The following GRID2 variants were observed in gnomAD, a reference collection of about 807,000 sequenced individuals.
The protein encoded by GRID2 is glutamate receptor ionotropic, delta-2.
In GRID2, 33 loss-of-function variants were observed where a neutral mutation model predicts 114.8. That is an observed-to-expected ratio of 0.29 (90% CI 0.22 to 0.38). GRID2 has a LOEUF of 0.38. Ranked by LOEUF, GRID2 falls within the 10% of genes least tolerant of loss-of-function variation. GRID2 has a pLI of 1.00. For synonymous variants in GRID2, 505 were observed against 449.9 expected (o/e 1.12, Z -1.55); for missense variants, 1,184 against 1,257.7 (o/e 0.94, Z 0.89).
intron 12 of GRID2, among the ~76,000 whole-genome samples, chr4:93,494,310 G>C (rs1014805684): frequency 2.0e-5 from 3 of 151,714 alleles, no homozygotes; most frequent in African/African-American, 7.3e-5. Context: ...CCAAAATTCA[G>C]CGTTGCTTCT....
At chr4:92,621,315 T>C (rs994809603) in intron 2 of GRID2, among the ~76,000 whole-genome samples, 3 of 151,780 alleles carry the variant, frequency 2.0e-5, no homozygotes, top group Non-Finnish European at 2.9e-5. Flanking sequence ...GTTAAAATTG[T>C]GATATTGGAC....
intron 4 of GRID2, among the ~76,000 whole-genome samples, chr4:93,184,014 CG>C (rs1740152126): frequency 6.6e-6 from 1 of 152,016 alleles, no homozygotes; most frequent in African/African-American, 2.4e-5. Flanking sequence ...TGCTGTAGGG[CG>C]ATTAGAAAAG....
chr4:92,307,036 T>TA (rs1276308632), intron 1 of GRID2, among the ~76,000 whole-genome samples: 1 of 152,034 alleles, frequency 6.6e-6, no homozygotes, highest in Non-Finnish European at 1.5e-5. Context: ...ATTAAAAAAA[T>TA]AAAAAATGAT....
intron 1 of GRID2, among the ~76,000 whole-genome samples, chr4:92,502,084 TTATG>T (rs1260696913): frequency 1.3e-5 from 2 of 152,136 alleles, no homozygotes; most frequent in East Asian, 1.9e-4. Flanking sequence ...TGTTGTCAAA[TTATG>T]AATTAATTAG....
chr4:93,548,471 A>G (rs1327541640), intron 13 of GRID2, among the ~76,000 whole-genome samples: 3 of 152,120 alleles, frequency 2.0e-5, no homozygotes. Context: ...TCTATTTCTC[A>G]TCTATGAGAT....
At chr4:93,050,901 A>G (rs530691882) in intron 2 of GRID2, among the ~76,000 whole-genome samples, 2 of 152,116 alleles carry the variant, frequency 1.3e-5, no homozygotes, top group East Asian at 1.9e-4. Context: ...CAGCATTTTA[A>G]TTGTATTTTC....
intron 8 of GRID2, among the ~76,000 whole-genome samples, chr4:93,296,166 G>A (rs936203055): frequency 6.6e-6 from 1 of 152,140 alleles, no homozygotes; most frequent in Non-Finnish European, 1.5e-5. Context: ...TATTGTGGCT[G>A]CCATGCATTT....
intron 2 of GRID2, among the ~76,000 whole-genome samples, chr4:92,625,749 T>C (rs1730491388): frequency 6.6e-6 from 1 of 151,958 alleles, no homozygotes; most frequent in Non-Finnish European, 1.5e-5. Context: ...ACAAAGTGAT[T>C]CTTATGCTAG....
chr4:92,543,482 T>G (rs1488598841), intron 1 of GRID2, among the ~76,000 whole-genome samples: 1 of 152,194 alleles, frequency 6.6e-6, no homozygotes, highest in Non-Finnish European at 1.5e-5. Flanking sequence ...GCACATCCTA[T>G]TAGCCTTAAT....
At chr4:93,319,610 T>C (rs1212297613) in intron 8 of GRID2, 3 of 152,016 alleles carry the variant, frequency 2.0e-5, no homozygotes, top group Non-Finnish European at 4.4e-5. Context: ...ATATGGGTCT[T>C]TTAAAAGCAG....
At chr4:92,912,734 C>T (rs375527339) in intron 2 of GRID2, among the ~76,000 whole-genome samples, 14 of 151,558 alleles carry the variant, frequency 9.2e-5, no homozygotes, top group African/African-American at 2.4e-4. Context: ...ATAGAGATGT[C>T]GAAAACAAAC....
chr4:93,571,255 G>C (rs761912548), intron 13 of GRID2, among the ~76,000 whole-genome samples: 1 of 151,952 alleles, frequency 6.6e-6, no homozygotes, highest in Non-Finnish European at 1.5e-5. Flanking sequence ...TTCTTTCTCT[G>C]TTTCATCTTG....
intron 13 of GRID2, among the ~76,000 whole-genome samples, chr4:93,547,989 C>G (rs1733385014): frequency 6.6e-6 from 1 of 152,040 alleles, no homozygotes; most frequent in Non-Finnish European, 1.5e-5. Context: ...CCAGCCTGAC[C>G]AAGATGGCGA....
chr4:92,448,741 T>G (rs1733600202), intron 1 of GRID2, among the ~76,000 whole-genome samples: 1 of 152,118 alleles, frequency 6.6e-6, no homozygotes, highest in African/African-American at 2.4e-5. Context: ...ATCAAATAAA[T>G]GAGGTAAAAA....
intron 3 of GRID2, among the ~76,000 whole-genome samples, chr4:93,105,090 G>A (rs1219404789): frequency 2.0e-5 from 3 of 151,988 alleles, no homozygotes; most frequent in Admixed American, 1.3e-4. Flanking sequence ...GTGTCTTTTG[G>A]CTGCATAAAT....
At chr4:93,602,325 G>T (rs1171555224) in intron 13 of GRID2, among the ~76,000 whole-genome samples, 1 of 152,142 alleles carries the variant, frequency 6.6e-6, no homozygotes, top group Non-Finnish European at 1.5e-5. Context: ...AAAGTTGTCT[G>T]CCCTAAAGCT....
intron 14 of GRID2, among the ~76,000 whole-genome samples, chr4:93,750,846 G>T (rs1280732909): frequency 6.6e-6 from 1 of 152,142 alleles, no homozygotes; most frequent in Admixed American, 6.5e-5. Flanking sequence ...TCACTTAAAA[G>T]AGATGAGTTA....
At chr4:93,302,610 C>A (rs1754995992) in intron 8 of GRID2, 1 of 455,476 alleles carries the variant, frequency 2.2e-6, no homozygotes, top group Non-Finnish European at 4.4e-6. Context: ...GTAATTTGAC[C>A]ATTCATATAC....
intron 2 of GRID2, among the ~76,000 whole-genome samples, chr4:93,047,621 A>T (rs1227538735): frequency 6.6e-6 from 1 of 152,102 alleles, no homozygotes; most frequent in East Asian, 1.9e-4. Context: ...AAAAATCAGA[A>T]TTATTGTACT....
Sources: allele counts gnomAD v4.1 joint callset (sites outside exome capture counted in the v4.1 genomes callset), GRCh38; gene constraint gnomAD v4.1.1; transcripts MANE v1.5; gene names NCBI Gene and HGNC (gene_info 2026-07-23, HGNC 2026-07-21).